Variants in SCAMP2 observed in about 807,000 individuals in gnomAD.
The protein encoded by SCAMP2 is secretory carrier membrane protein 2, also known as secretory carrier-associated membrane protein 2.
Under a neutral mutation model 44.1 loss-of-function variants are expected in SCAMP2, and 25 were observed. The observed-to-expected ratio is 0.57, with a 90% CI of 0.41 to 0.79. The LOEUF is 0.79. Among genes scored for constraint, SCAMP2 ranks in the 30% least tolerant of loss-of-function variants. SCAMP2 has a pLI of 0.00. For synonymous variants in SCAMP2, 156 were observed against 166.0 expected, an observed-to-expected ratio of 0.94 and a Z score of 0.46; for missense variants, 355 against 411.0, an observed-to-expected ratio of 0.86 and a Z score of 1.18.
chr15:74,863,217 C>G (rs1047548499), intron 1 of SCAMP2, among the ~76,000 whole-genome samples: 2 of 151,648 alleles, frequency 1.3e-5, no homozygotes, highest in African/African-American at 4.8e-5. Context: ...TGGTGGCAGG[C>G]GCCTGTAACC....
intron 5 of SCAMP2, 117 bp from the exon 6 acceptor site, chr15:74,850,790 A>G (rs905192049): frequency 2.9e-6 from 3 of 1,047,080 alleles, no homozygotes; most frequent in Admixed American, 2.3e-5. Context: ...CTGCTGAAAC[A>G]GAGGAGCCCG....
chr15:74,869,379 C>T (rs150267702), intron 1 of SCAMP2, among the ~76,000 whole-genome samples: 2 of 151,958 alleles, frequency 1.3e-5, no homozygotes, highest in Non-Finnish European at 2.9e-5. Flanking sequence ...TATTCCATCC[C>T]CTCACACTGG....
rs374519413 is a variant in SCAMP2, at chr15:74,852,184, G to A, written c.228C>T (p.Ala76=). The part of the protein sequence containing the change: ...SVEPTQPTPQ[A]VVSAAQAGLL... ...GGCCTGCCTGGGCTGCAGACACCAC[G>A]GCCTGGAGAGAACAGGGGAGGTACA... Residue 76 remains alanine (A), a splice_region_variant and synonymous_variant, in exon 4 of 9, where the codon GCC becomes GCT. Coordinates refer to ENST00000268099, the MANE Select transcript of SCAMP2 (RefSeq NM_005697.5). The A allele has an allele frequency of 6.8e-5, 103 of 1,523,398 alleles. No individual in the cohort carries two copies. The highest frequency in any genetic ancestry group is 1.0e-4 in the East Asian group (4 of 39,794). 94.4% of individuals were successfully genotyped at this position (1,523,398 alleles called of 1,614,324 possible). A position where few individuals can be genotyped will look rare whatever the true frequency, so the allele number is the denominator to read the frequency against.
At chr15:74,864,722 C>T (rs905455484) in intron 1 of SCAMP2, among the ~76,000 whole-genome samples, 1 of 151,992 alleles carries the variant, frequency 6.6e-6, no homozygotes, top group Non-Finnish European at 1.5e-5. Context: ...TCACATCAAT[C>T]CCACAGGCTC....
At chr15:74,857,987 A>G (rs1359017733) in intron 1 of SCAMP2, among the ~76,000 whole-genome samples, 2 of 152,238 alleles carry the variant, frequency 1.3e-5, no homozygotes, top group Admixed American at 6.5e-5. Flanking sequence ...CACCTGCATC[A>G]CAGCAGTAGC....
intron 1 of SCAMP2, among the ~76,000 whole-genome samples, chr15:74,858,645 A>G (rs1872459555): frequency 6.6e-6 from 1 of 151,960 alleles, no homozygotes; most frequent in African/African-American, 2.4e-5. Context: ...CAAGATGGTA[A>G]AGCTGAGTGG....
chr15:74,851,234 G>A, intron 5 of SCAMP2, 119 bp downstream of exon 5: 1 of 1,207,514 alleles, frequency 8.3e-7, no homozygotes, highest in Non-Finnish European at 1.2e-6. Context: ...CCCAGGCACT[G>A]AGGAAGGCTG....
At chr15:74,867,111 T>G (rs925121551) in intron 1 of SCAMP2, among the ~76,000 whole-genome samples, 19 of 152,212 alleles carry the variant, frequency 1.2e-4, no homozygotes, top group Non-Finnish European at 2.2e-4. Context: ...GAGTATTTCT[T>G]AGCTCTCCTG....
chr15:74,858,932 C>G lies in SCAMP2; in HGVS notation c.58-4283G>C, dbSNP rs143327229. Among the ~76,000 whole-genome samples, 1,373 of 151,568 alleles carry G rather than the reference C, an allele frequency of 9.1e-3. 22 individuals carry two copies. The highest frequency in any genetic ancestry group is 0.032 in the African/African-American group (1,311 of 41,272). Reference sequence around the variant, plus strand: ...CACACCATTCTCCTGCCTCAGCCTCCCCAGTAGCTGGGACTACAGGCACCT... The same window carrying G: ...CACACCATTCTCCTGCCTCAGCCTCGCCAGTAGCTGGGACTACAGGCACCT... On this transcript the variant is annotated intron_variant, in intron 1 of 8. Transcript: ENST00000268099.
At chr15:74,849,530 G>A (rs2064421415) in intron 6 of SCAMP2, among the ~76,000 whole-genome samples, 1 of 152,134 alleles carries the variant, frequency 6.6e-6, no homozygotes, top group Non-Finnish European at 1.5e-5. Flanking sequence ...GATCACTTGA[G>A]GTCACAAGTT....
chr15:74,853,641 A>G, intron 3 of SCAMP2: 1 of 366,426 alleles, frequency 2.7e-6, no homozygotes, highest in Non-Finnish European at 5.4e-6. Flanking sequence ...GAAGACAGGA[A>G]GGAAGGTGAG....
At chr15:74,854,193 A>C (rs970405372) in intron 2 of SCAMP2, 74 bp from the exon 3 acceptor site, 1 of 1,312,028 alleles carries the variant, frequency 7.6e-7, no homozygotes, top group South Asian at 1.2e-5. Flanking sequence ...AACCCACAGC[A>C]GGATGAGTGA....
At chr15:74,870,573 A>C (rs2141183814) in intron 1 of SCAMP2, among the ~76,000 whole-genome samples, 1 of 152,370 alleles carries the variant, frequency 6.6e-6, no homozygotes, top group East Asian at 1.9e-4. Context: ...AAAAAATGCA[A>C]ATCTTCTTTC....
intron 1 of SCAMP2, among the ~76,000 whole-genome samples, chr15:74,861,658 G>A (rs1242005019): frequency 6.6e-6 from 1 of 152,128 alleles, no homozygotes; most frequent in Non-Finnish European, 1.5e-5. Flanking sequence ...CAGCACTTTG[G>A]GAGGCCAAGG....
chr15:74,851,893 G>C (rs1412453163), intron 4 of SCAMP2, 176 bp downstream of exon 4: 4 of 511,586 alleles, frequency 7.8e-6, no homozygotes, highest in African/African-American at 5.8e-5. Flanking sequence ...CAACTACACT[G>C]CAGGTCTCCT....
Position 74,854,006 on chromosome 15 carries a change from C to T in SCAMP2, c.225+15G>A. On this transcript the variant is annotated intron_variant, in intron 3 of 8. Transcript: ENST00000268099. ...TCACTGGAGAGAAAAGGCCAGAGTT[C>T]TTTGTCAGCACTACCTGGGGGGTCG... The T allele has an allele frequency of 6.2e-7, 1 of 1,607,828 alleles. No individual in the cohort carries two copies. The highest frequency in any genetic ancestry group is 8.5e-7 in the Non-Finnish European group (1 of 1,174,526).
chr15:74,867,845 C>T (rs1019744119), intron 1 of SCAMP2, among the ~76,000 whole-genome samples: 6 of 152,230 alleles, frequency 3.9e-5, no homozygotes, highest in African/African-American at 1.4e-4. Flanking sequence ...TGTTCAATGC[C>T]ACCACCTATT....
chr15:74,846,446 CAAAAAAA>C (rs35643920), intron 7 of SCAMP2, among the ~76,000 whole-genome samples: 1 of 109,442 alleles, frequency 9.1e-6, no homozygotes, highest in African/African-American at 3.9e-5. Flanking sequence ...ACCCTGTCTC[CAAAAAAA>C]AAAAAAAAAG....
At chr15:74,866,060 A>G (rs1400920009) in intron 1 of SCAMP2, among the ~76,000 whole-genome samples, 1 of 151,628 alleles carries the variant, frequency 6.6e-6, no homozygotes, top group Non-Finnish European at 1.5e-5. Context: ...AGAAAAGAAA[A>G]GAAAAAAAAG....
Sources: gnomAD v4.1 joint callset for allele counts (sites outside exome capture counted in the v4.1 genomes callset) on GRCh38, gnomAD v4.1.1 for gene constraint, MANE v1.5 for transcripts, NCBI Gene and HGNC (gene_info 2026-07-23, HGNC 2026-07-21) for gene names.